Variants in SGCZ observed in about 807,000 individuals in gnomAD.
SGCZ encodes the protein sarcoglycan zeta.
A neutral mutation model predicts 41.3 loss-of-function variants in SGCZ; 40 were observed. The observed-to-expected ratio is 0.97, with a 90% CI of 0.75 to 1.26. The LOEUF is 1.26. Among genes scored for constraint, SGCZ ranks in the 50% most tolerant of loss-of-function variants. The probability of loss-of-function intolerance (pLI) is 0.00; values close to 1 mark genes in which losing one functional copy is unlikely to be tolerated. For missense variants in SGCZ, 552 were observed against 369.8 expected (o/e 1.49, Z -4.04); for synonymous variants, 206 against 137.5 (o/e 1.50, Z -3.49).
chr8:14,338,794 A>C (rs906444489), intron 2 of SGCZ, among the ~76,000 whole-genome samples: 2 of 152,116 alleles, frequency 1.3e-5, no homozygotes, highest in Non-Finnish European at 2.9e-5. Context: ...TGCCAATTTG[A>C]AAATTCAAGT....
chr8:15,205,424 T>G (rs1359684747), intron 1 of SGCZ, among the ~76,000 whole-genome samples: 1 of 151,896 alleles, frequency 6.6e-6, no homozygotes, highest in African/African-American at 2.4e-5. Flanking sequence ...CAAACAACCC[T>G]ATTAAAAAGT....
rs139473876 is a variant in SGCZ, at chr8:14,348,038, G to C, written c.235-23834C>G. 6.1e-4 allele frequency among the ~76,000 whole-genome samples: 92 copies of C among 151,986 alleles called. 1 individual carries two copies. In the East Asian group the frequency reaches 0.013, roughly 21 times the overall value. On this transcript the variant is annotated intron_variant, in intron 2 of 7. Coordinates refer to ENST00000382080, the MANE Select transcript of SGCZ (RefSeq NM_139167.4). Reference sequence around the variant, plus strand: ...ACATACTTTCTTAGAAATTCCAGGGGTACATCTTACAAGAAACCAGGCACG... The same window carrying C: ...ACATACTTTCTTAGAAATTCCAGGGCTACATCTTACAAGAAACCAGGCACG...
chr8:14,641,350 C>T (rs1228182529), intron 1 of SGCZ, among the ~76,000 whole-genome samples: 1 of 151,712 alleles, frequency 6.6e-6, no homozygotes, highest in Non-Finnish European at 1.5e-5. Flanking sequence ...AGCTGCTTCT[C>T]ATACAGTTTA....
At chr8:15,224,114 C>A (rs562623940) in intron 1 of SGCZ, among the ~76,000 whole-genome samples, 1 of 152,238 alleles carries the variant, frequency 6.6e-6, no homozygotes, top group Admixed American at 6.5e-5. Context: ...CCTTCGCCTC[C>A]CAAAGTGCTG....
intron 3 of SGCZ, among the ~76,000 whole-genome samples, chr8:14,282,705 G>C (rs919295508): frequency 6.6e-6 from 1 of 151,912 alleles, no homozygotes; most frequent in Non-Finnish European, 1.5e-5. Context: ...TTCCTCAAAT[G>C]TTCCTTCTGC....
At chr8:15,116,442 G>A (rs150693397) in intron 1 of SGCZ, among the ~76,000 whole-genome samples, 1,817 of 152,216 alleles carry the variant, frequency 0.012, 31 homozygotes, top group African/African-American at 0.04. Context: ...ATATCCCAAT[G>A]AGAAGTGAGT....
At chr8:14,535,184 T>C (rs947598796) in intron 2 of SGCZ, among the ~76,000 whole-genome samples, 7 of 151,960 alleles carry the variant, frequency 4.6e-5, no homozygotes, top group Non-Finnish European at 7.4e-5. Flanking sequence ...GTTATTTAGA[T>C]TTGATTACTT....
At chr8:15,036,575 A>C (rs1258257247) in intron 1 of SGCZ, among the ~76,000 whole-genome samples, 1 of 152,136 alleles carries the variant, frequency 6.6e-6, no homozygotes, top group East Asian at 1.9e-4. Flanking sequence ...TTAAAGAATA[A>C]AAAATATAAA....
chr8:14,577,875 A>C (rs1421736832), intron 1 of SGCZ, among the ~76,000 whole-genome samples: 2 of 152,242 alleles, frequency 1.3e-5, no homozygotes, highest in African/African-American at 4.8e-5. Flanking sequence ...AGGCTGGACC[A>C]TGTAAATACT....
In SGCZ at chr8:14,621,443, AT is replaced by A. The variant is rs1274856085; in HGVS notation, c.40-66518del. 1.4e-4 allele frequency among the ~76,000 whole-genome samples: 21 copies of A among 152,254 alleles called. No homozygotes were observed. The East Asian group carries it at 4.0e-3, about 29-fold the overall frequency. ...ATAGAACTTAAAGTATAATAAAAAA[AT>A]AAATAAAAAATAAAGATTCCTTGGG... On this transcript the variant is annotated intron_variant, in intron 1 of 7. Transcript: ENST00000382080.
chr8:14,992,384 T>C (rs112046507), intron 1 of SGCZ, among the ~76,000 whole-genome samples: 4 of 147,452 alleles, frequency 2.7e-5, no homozygotes, highest in South Asian at 2.3e-4. Context: ...ACCCTTGCTA[T>C]TTACCTCTCA....
chr8:14,191,761 T>A (rs1007317940), intron 4 of SGCZ, among the ~76,000 whole-genome samples: 1 of 152,174 alleles, frequency 6.6e-6, no homozygotes, highest in South Asian at 2.1e-4. Flanking sequence ...AATGTTTTTA[T>A]ATTGGAAATT....
At chr8:14,632,662 G>C (rs1348982667) in intron 1 of SGCZ, among the ~76,000 whole-genome samples, 2 of 152,024 alleles carry the variant, frequency 1.3e-5, no homozygotes, top group Non-Finnish European at 2.9e-5. Context: ...ACAACAGACT[G>C]CCATCTCTTT....
At chr8:15,205,716 G>C (rs182362924) in intron 1 of SGCZ, among the ~76,000 whole-genome samples, 1 of 152,278 alleles carries the variant, frequency 6.6e-6, no homozygotes, top group Non-Finnish European at 1.5e-5. Flanking sequence ...ATTACTCAAA[G>C]AGCTAAAAGC....
chr8:14,567,515 G>C (rs117706177), intron 1 of SGCZ, among the ~76,000 whole-genome samples: 2,342 of 152,220 alleles, frequency 0.015, 26 homozygotes, highest in Non-Finnish European at 0.024. Context: ...TCAGCACCTT[G>C]TCAAAACAAA....
chr8:14,628,619 A>G (rs1023448374), intron 1 of SGCZ, among the ~76,000 whole-genome samples: 15 of 152,106 alleles, frequency 9.9e-5, no homozygotes, highest in African/African-American at 3.6e-4. Context: ...CTTGTCAAAT[A>G]GCTGATTAGG....
At chr8:14,809,150 TAGC>T in intron 1 of SGCZ, among the ~76,000 whole-genome samples, 1 of 151,950 alleles carries the variant, frequency 6.6e-6, no homozygotes, top group Middle Eastern at 3.4e-3. Context: ...TTAGTGGGTG[TAGC>T]ACACCAGCGT....
At chr8:14,714,121 C>G (rs1285993523) in intron 1 of SGCZ, among the ~76,000 whole-genome samples, 2 of 152,060 alleles carry the variant, frequency 1.3e-5, no homozygotes, top group Non-Finnish European at 2.9e-5. Flanking sequence ...GTGCCCACCA[C>G]CACGCCCAGC....
chr8:15,044,467 T>C (rs929846938), intron 1 of SGCZ, among the ~76,000 whole-genome samples: 3 of 152,126 alleles, frequency 2.0e-5, no homozygotes, highest in Admixed American at 6.6e-5. Flanking sequence ...CACTTACGAA[T>C]AGATGAAAAG....
Sources: gnomAD v4.1 joint callset for allele counts (sites outside exome capture counted in the v4.1 genomes callset) on GRCh38, gnomAD v4.1.1 for gene constraint, MANE v1.5 for transcripts, NCBI Gene and HGNC (gene_info 2026-07-23, HGNC 2026-07-21) for gene names.